The following ARSG variants were observed in gnomAD, a reference collection of about 807,000 sequenced individuals.
The protein encoded by ARSG is ASG.
A neutral mutation model predicts 50.5 loss-of-function variants in ARSG; 37 were observed. That is an observed-to-expected ratio of 0.73 (90% CI 0.56 to 0.96). The LOEUF (loss-of-function observed/expected upper bound fraction) is 0.96, where lower values mean the gene tolerates loss of function less well. ARSG is among the 50% of genes least tolerant of loss of function. The pLI is 0.00. For synonymous variants in ARSG, 225 were observed against 254.6 expected (o/e 0.88, Z 1.11); for missense variants, 629 against 675.3 (o/e 0.93, Z 0.76).
At position 68,271,336 on chromosome 17, in the gene ARSG, C is replaced by T. The variant is rs1184435185; in HGVS notation, c.-552+11910C>T. On this transcript the variant is annotated intron_variant, in intron 1 of 11. Coordinates refer to the ARSG transcript ENST00000448504. This position sits in a 1 kb window ranked among gnomAD's most constrained non-coding sequence, Gnocchi z 5.3. ...TAGCGGGGCTTTCTTTTCGCTTGGCCTGGGGCTGGTCTTCACCAGGACCTG... is the reference window on the plus strand; with the variant it reads ...TAGCGGGGCTTTCTTTTCGCTTGGCTTGGGGCTGGTCTTCACCAGGACCTG... The T allele has an allele frequency of 6.2e-7, 1 of 1,614,222 alleles. No homozygotes were observed. Among genetic ancestry groups the T allele is most frequent in the East Asian group, 2.2e-5 (1 of 44,874 alleles).
chr17:68,435,715 G>A, the ARSG span: 2 of 1,614,154 alleles, frequency 1.2e-6, no homozygotes, highest in South Asian at 2.2e-5. Context: ...ACTGTTTTCT[G>A]TTGGTGAAAA....
rs2081137056 is a variant in ARSG, at chr17:68,394,351, CA to C, written c.1092-720del. Among the ~76,000 whole-genome samples, 4 of 152,112 alleles carry C rather than the reference CA, an allele frequency of 2.6e-5. No homozygotes were observed. The South Asian group carries it at 8.3e-4, about 32-fold the overall frequency. On this transcript the variant is annotated intron_variant, in intron 9 of 11. Coordinates refer to ENST00000621439, the MANE Select transcript of ARSG (RefSeq NM_001267727.2). ...GCGCAGTGGCTCATGTCTGCAATCC[CA>C]ACACTTTGGGAGGCTGAGGCAGGAG...
At chr17:68,375,998 TGTTCA>T (rs1309453556) in intron 8 of ARSG, among the ~76,000 whole-genome samples, 1 of 152,158 alleles carries the variant, frequency 6.6e-6, no homozygotes, top group East Asian at 1.9e-4. Context: ...CATTTTAAGT[TGTTCA>T]GTTAAGTAGC....
the ARSG span, among the ~76,000 whole-genome samples, chr17:68,438,879 C>T: frequency 1.3e-5 from 2 of 152,192 alleles, no homozygotes; most frequent in Admixed American, 6.5e-5. Flanking sequence ...GGATTACAGG[C>T]GTGAGCCATC....
At chr17:68,328,966 T>G (rs1052638417) in intron 2 of ARSG, among the ~76,000 whole-genome samples, 4 of 152,244 alleles carry the variant, frequency 2.6e-5, no homozygotes, top group Admixed American at 6.5e-5. Context: ...GACATACCTC[T>G]GCTCTTGTGG....
intron 4 of ARSG, among the ~76,000 whole-genome samples, chr17:68,350,496 T>C (rs1450131995): frequency 6.6e-6 from 1 of 152,192 alleles, no homozygotes; most frequent in African/African-American, 2.4e-5. Flanking sequence ...GATTAAAAGC[T>C]TGGGCTGGGC....
chr17:68,360,043 A>AG (rs1277616150), intron 6 of ARSG, among the ~76,000 whole-genome samples: 2 of 152,090 alleles, frequency 1.3e-5, no homozygotes, highest in East Asian at 1.9e-4. Flanking sequence ...CTGTGTTCTT[A>AG]GGGGAAGGAA....
chr17:68,357,492 C>G (rs1008373677), intron 6 of ARSG, among the ~76,000 whole-genome samples: 10 of 152,194 alleles, frequency 6.6e-5, no homozygotes. Context: ...TAGGGTCCAC[C>G]AGGAGAATCC....
chr17:68,438,713 G>A, the ARSG span, among the ~76,000 whole-genome samples: 1 of 152,202 alleles, frequency 6.6e-6, no homozygotes, highest in African/African-American at 2.4e-5. Flanking sequence ...CGATTCTCCT[G>A]TCTCAGCCTG....
intron 1 of ARSG, among the ~76,000 whole-genome samples, chr17:68,264,105 G>A (rs2075115755): frequency 2.0e-5 from 3 of 152,198 alleles, no homozygotes; most frequent in South Asian, 2.1e-4. Flanking sequence ...TGAGCCACCC[G>A]CCTCGGCTTC....
intron 2 of ARSG, among the ~76,000 whole-genome samples, chr17:68,339,187 A>G (rs995692819): frequency 6.6e-6 from 1 of 152,108 alleles, no homozygotes; most frequent in Non-Finnish European, 1.5e-5. Flanking sequence ...TACAGCTCTC[A>G]GTTGGGAGGC....
At position 68,271,617 on chromosome 17, in the gene ARSG, G is replaced by A; in HGVS notation, c.-552+12191G>A. ...GTAGTAGGCCCACGAAGAGGAGGCTGTATCTCCAGCCAATGCGCTCCTTCA... is the reference window on the plus strand; with the variant it reads ...GTAGTAGGCCCACGAAGAGGAGGCTATATCTCCAGCCAATGCGCTCCTTCA... On this transcript the variant is annotated intron_variant, in intron 1 of 11. Transcript: ENST00000448504. This position sits in a 1 kb window ranked among gnomAD's most constrained non-coding sequence, Gnocchi z 5.3. 6.2e-7 allele frequency: 1 copy of A among 1,613,834 alleles called. No individual in the cohort carries two copies. Among genetic ancestry groups the A allele is most frequent in the Non-Finnish European group, 8.5e-7 (1 of 1,179,678 alleles).
chr17:68,397,306 T>C (rs1463731080), intron 10 of ARSG, among the ~76,000 whole-genome samples: 3 of 152,140 alleles, frequency 2.0e-5, no homozygotes, highest in South Asian at 2.1e-4. Flanking sequence ...CCACACCCCA[T>C]GGCCCAGAAA....
At chr17:68,448,966 T>C in the ARSG span, among the ~76,000 whole-genome samples, 1 of 152,330 alleles carries the variant, frequency 6.6e-6, no homozygotes, top group African/African-American at 2.4e-5. Flanking sequence ...CTCCAGCTAT[T>C]TTTCACCGCA....
At chr17:68,447,759 G>A in the ARSG span, among the ~76,000 whole-genome samples, 11 of 152,150 alleles carry the variant, frequency 7.2e-5, no homozygotes, top group African/African-American at 2.4e-4. Context: ...TTGGGAGGCC[G>A]AGGTGGGTGG....
In ARSG at chr17:68,307,461, G is replaced by A. The variant is rs782093401; in HGVS notation, c.-33G>A. 49 of 1,563,812 alleles carry A rather than the reference G, an allele frequency of 3.1e-5. No homozygotes were observed. The Admixed American group carries it at 6.0e-4, about 19-fold the overall frequency. On this transcript the variant is annotated 5_prime_UTR_variant, in exon 2 of 12. Transcript: ENST00000621439. The stretch of plus-strand genomic sequence containing the variant: ...AAAATCTCTAGTGGTGGCTGCCGTC[G>A]CTCCAGACAATCGGAATCCTGCCTT...
chr17:68,309,040 C>G (rs1337120261), intron 2 of ARSG, among the ~76,000 whole-genome samples: 1 of 152,242 alleles, frequency 6.6e-6, no homozygotes, highest in Non-Finnish European at 1.5e-5. Flanking sequence ...GGCTGCAGGT[C>G]CCGAGCCCTG....
upstream of ARSG, among the ~76,000 whole-genome samples, chr17:68,290,340 AGAC>A (rs1343451209): frequency 6.6e-6 from 1 of 152,230 alleles, no homozygotes; most frequent in Non-Finnish European, 1.5e-5. Flanking sequence ...TAAAAAGAAA[AGAC>A]GACAACAACC....
intron 2 of ARSG, among the ~76,000 whole-genome samples, chr17:68,314,155 C>T (rs970207199): frequency 6.6e-6 from 1 of 152,132 alleles, no homozygotes; most frequent in Non-Finnish European, 1.5e-5. Context: ...TGCATCATCC[C>T]CTGGAGTTTT....
Sources: gnomAD v4.1 joint callset for allele counts (sites outside exome capture counted in the v4.1 genomes callset) on GRCh38, gnomAD v4.1.1 for gene constraint, Gnocchi (gnomAD v3.1) non-coding constraint, MANE v1.5 for transcripts, NCBI Gene and HGNC (gene_info 2026-07-23, HGNC 2026-07-21) for gene names.